MAX: variants seen among roughly 807,000 people sequenced by gnomAD.
MAX encodes the protein MYC associated transcriptional regulator X, also known as protein max.
A neutral mutation model predicts 22.3 loss-of-function variants in MAX; 3 were observed. The observed-to-expected ratio is 0.13, with a 90% CI of 0.06 to 0.35. MAX has a LOEUF of 0.35. MAX is among the 10% of genes least tolerant of loss of function. MAX has a pLI of 1.00. For synonymous variants in MAX, 72 were observed against 77.7 expected (o/e 0.93, Z 0.39); for missense variants, 119 against 209.4 (o/e 0.57, Z 2.66).
Position 65,075,791 on chromosome 14 carries a change from G to A in MAX, c.*685C>T. 1.9e-6 allele frequency: 2 copies of A among 1,066,724 alleles called. No homozygotes were observed. Among genetic ancestry groups the A allele is most frequent in the Non-Finnish European group, 2.3e-6 (2 of 880,100 alleles). 66.1% of individuals were successfully genotyped at this position (1,066,724 alleles called of 1,614,324 possible). A position where few individuals can be genotyped will look rare whatever the true frequency, so the allele number is the denominator to read the frequency against. On this transcript the variant is annotated 3_prime_UTR_variant, in exon 5 of 5. Coordinates refer to ENST00000358664, the MANE Select transcript of MAX (RefSeq NM_002382.5). This position sits in a 1 kb window ranked among gnomAD's most constrained non-coding sequence, Gnocchi z 4.1. ...ATACATACCACGAGAGTGTCACACGGCCCTCCGTGAGGCTGGCGCCGCAGG... is the reference window on the plus strand; with the variant it reads ...ATACATACCACGAGAGTGTCACACGACCCTCCGTGAGGCTGGCGCCGCAGG...
chr14:65,053,096 A>G (rs1595096630), intron 3 of MAX: 4 of 511,808 alleles, frequency 7.8e-6, no homozygotes, highest in Non-Finnish European at 1.2e-5. Context: ...GACATGGGGA[A>G]GATAGCAGTT....
chr14:65,024,467 G>C (rs895514124), intron 3 of MAX, among the ~76,000 whole-genome samples: 2 of 152,082 alleles, frequency 1.3e-5, no homozygotes, highest in African/African-American at 4.8e-5. Context: ...AGCAGGACTG[G>C]GTCTCTGTAT....
chr14:65,041,903 C>G (rs2062362103), intron 3 of MAX, among the ~76,000 whole-genome samples: 1 of 152,174 alleles, frequency 6.6e-6, no homozygotes, highest in Non-Finnish European at 1.5e-5. Flanking sequence ...TAGGGAGTGC[C>G]TCAGTTATAA....
rs1163965339 is a variant in MAX at position 65,030,058 on chromosome 14, C to T, written c.172-23774G>A. ...GAAAAGGTTGTATTACGTTTCCTCC[C>T]CATCTCAGCGTGAGACCTGGGACTC... On this transcript the variant is annotated intron_variant, in intron 3 of 3. Coordinates refer to the MAX transcript ENST00000341653. The surrounding 1 kb of genome is among the most constrained non-coding windows in gnomAD (Gnocchi z 4.5). 6.6e-6 allele frequency among the ~76,000 whole-genome samples: 1 copy of T among 152,086 alleles called. No homozygotes were observed. Among genetic ancestry groups the T allele is most frequent in the Non-Finnish European group, 1.5e-5 (1 of 68,004 alleles).
chr14:65,018,901 G>A (rs1399741191), intron 3 of MAX, among the ~76,000 whole-genome samples: 2 of 146,704 alleles, frequency 1.4e-5, no homozygotes, highest in South Asian at 2.2e-4. Flanking sequence ...ACCTGAGGTC[G>A]GGAGTTTGAG....
chr14:65,076,348 A>G lies in MAX; in HGVS notation c.*128T>C. ...AGCTTCTACGTAAAAATAAAAATTTAAAAAAAAAAGGGAGAAAGAGAAAAA... is the reference window on the plus strand; with the variant it reads ...AGCTTCTACGTAAAAATAAAAATTTGAAAAAAAAAGGGAGAAAGAGAAAAA... On this transcript the variant is annotated 3_prime_UTR_variant, in exon 5 of 5. Transcript: ENST00000358664. The surrounding 1 kb of genome is among the most constrained non-coding windows in gnomAD (Gnocchi z 6.6). The G allele has an allele frequency of 7.8e-7, 1 of 1,286,162 alleles. No homozygotes were observed. Among genetic ancestry groups the G allele is most frequent in the Non-Finnish European group, 1.0e-6 (1 of 959,486 alleles). The allele number at this position is 1,286,162 out of a possible 1,614,324, so 79.7% of individuals were successfully genotyped here.
At chr14:65,040,555 C>G (rs1374656996) in intron 3 of MAX, among the ~76,000 whole-genome samples, 1 of 150,736 alleles carries the variant, frequency 6.6e-6, no homozygotes, top group Non-Finnish European at 1.5e-5. Flanking sequence ...ATCTTCTTGC[C>G]TTAGTCTCCT....
At chr14:65,061,258 C>T (rs1413600303) in intron 3 of MAX, 19 of 1,614,052 alleles carry the variant, frequency 1.2e-5, no homozygotes, top group Non-Finnish European at 1.5e-5. Flanking sequence ...AGAAGCCAGT[C>T]CCAGGTTTTG....
chr14:65,027,418 C>A lies in MAX; in HGVS notation c.172-21134G>T, dbSNP rs771590755. On this transcript the variant is annotated intron_variant, in intron 3 of 3. Transcript: ENST00000341653. The surrounding 1 kb of genome is among the most constrained non-coding windows in gnomAD (Gnocchi z 5.7). ...TTTGGTGTTTTGACATGAATGCTCT[C>A]TGACTTTGTTTTTGCCCTTTGGCTG... 1 of 1,611,478 alleles carries A rather than the reference C, an allele frequency of 6.2e-7. No individual in the cohort carries two copies. The highest frequency in any genetic ancestry group is 1.1e-5 in the South Asian group (1 of 90,702).
chr14:65,029,449 C>CT lies in MAX; in HGVS notation c.172-23166dup, dbSNP rs2062040064. 6.6e-6 allele frequency among the ~76,000 whole-genome samples: 1 copy of CT among 152,208 alleles called. No individual in the cohort carries two copies. Among genetic ancestry groups the CT allele is most frequent in the Non-Finnish European group, 1.5e-5 (1 of 68,048 alleles). On this transcript the variant is annotated intron_variant, in intron 3 of 3. Coordinates refer to the MAX transcript ENST00000341653. This position sits in a 1 kb window ranked among gnomAD's most constrained non-coding sequence, Gnocchi z 4.7. ...GCAGTCTCTGGATGATCTTTCTGCT[C>CT]TGTTACACTGCTGATAGTTTCAGAG...
chr14:65,101,787 C>T (rs2063849613), intron 1 of MAX: 1 of 586,552 alleles, frequency 1.7e-6, no homozygotes, highest in Admixed American at 3.0e-5. Context: ...GCCCCTCCTT[C>T]CGGGATCCGA....
chr14:65,008,928 A>T (rs943664198), intron 3 of MAX, among the ~76,000 whole-genome samples: 1 of 152,062 alleles, frequency 6.6e-6, no homozygotes, highest in African/African-American at 2.4e-5. Context: ...CTCTCCTGTC[A>T]CCCTCTGCAC....
At chr14:65,060,326 C>T (rs1309916937) in intron 3 of MAX, among the ~76,000 whole-genome samples, 1 of 151,774 alleles carries the variant, frequency 6.6e-6, no homozygotes, top group African/African-American at 2.4e-5. Flanking sequence ...TGGTGGCTCA[C>T]ACCTGTAACC....
Position 65,012,327 on chromosome 14 carries a change from C to T in MAX, c.172-6043G>A, listed in dbSNP as rs1277829547. ...TGTTTGTCTTTCCAGGCTTGTTTTG[C>T]AGAGGGAGAAGCACTTCCATTATCT... On this transcript the variant is annotated intron_variant, in intron 3 of 3. Transcript: ENST00000341653. The surrounding 1 kb of genome is among the most constrained non-coding windows in gnomAD (Gnocchi z 5.0). 3.1e-6 allele frequency: 5 copies of T among 1,614,106 alleles called. No individual in the cohort carries two copies. The highest frequency in any genetic ancestry group is 4.2e-6 in the Non-Finnish European group (5 of 1,179,992).
downstream of MAX, among the ~76,000 whole-genome samples, chr14:65,072,210 G>A (rs977516636): frequency 6.6e-6 from 1 of 152,160 alleles, no homozygotes; most frequent in Admixed American, 6.5e-5. Flanking sequence ...AAACCTGCCT[G>A]GGGACCAGAG....
At chr14:65,059,478 C>T (rs1050099205) in intron 3 of MAX, among the ~76,000 whole-genome samples, 1 of 152,070 alleles carries the variant, frequency 6.6e-6, no homozygotes, top group African/African-American at 2.4e-5. Flanking sequence ...ATTGTTGTTA[C>T]TAATTTCTTC....
chr14:65,058,205 C>G (rs972762118), intron 3 of MAX, among the ~76,000 whole-genome samples: 22 of 116,208 alleles, frequency 1.9e-4, no homozygotes, highest in African/African-American at 9.2e-4. Flanking sequence ...TTTTTCTTTT[C>G]TTTAATGTCT....
chr14:65,093,691 T>C lies in MAX; in HGVS notation c.171+17A>G. ...AGCTAGTAGTGGCCAGCTACTCAGC[T>C]TTCTCAGGAAACTCACCTTCTCTCC... On this transcript the variant is annotated intron_variant, in intron 3 of 4. Transcript: ENST00000358664. This position sits in a 1 kb window ranked among gnomAD's most constrained non-coding sequence, Gnocchi z 4.4. 7.0e-7 allele frequency: 1 copy of C among 1,432,222 alleles called. No individual in the cohort carries two copies. 88.7% of individuals were successfully genotyped at this position (1,432,222 alleles called of 1,614,324 possible).
At chr14:65,068,775 A>G (rs2062957351) in intron 3 of MAX, among the ~76,000 whole-genome samples, 1 of 152,124 alleles carries the variant, frequency 6.6e-6, no homozygotes, top group African/African-American at 2.4e-5. Flanking sequence ...ACACTATGTA[A>G]TGGGTACATT....
Sources: gnomAD v4.1 joint callset for allele counts (sites outside exome capture counted in the v4.1 genomes callset) on GRCh38, gnomAD v4.1.1 for gene constraint, Gnocchi (gnomAD v3.1) non-coding constraint, MANE v1.5 for transcripts, NCBI Gene and HGNC (gene_info 2026-07-23, HGNC 2026-07-21) for gene names.